Variants in U2AF2 observed in about 807,000 individuals in gnomAD.
U2AF2 encodes splicing factor U2AF 65 kDa subunit.
A neutral mutation model predicts 52.6 loss-of-function variants in U2AF2; 6 were observed. That is an observed-to-expected ratio of 0.11 (90% confidence interval 0.06 to 0.23). The LOEUF (loss-of-function observed/expected upper bound fraction) is 0.23, where lower values mean the gene tolerates loss of function less well. Among genes scored for constraint, U2AF2 ranks in the 10% least tolerant of loss-of-function variants. The pLI, the probability that U2AF2 is intolerant of heterozygous loss-of-function variation, is 1.00. For missense variants in U2AF2, 222 were observed against 677.1 expected, an observed-to-expected ratio of 0.33 and a Z score of 7.46; for synonymous variants, 284 against 258.2, an observed-to-expected ratio of 1.10 and a Z score of -0.96.
At chr19:55,655,369 C>T (rs975295284) in intron 1 of U2AF2, among the ~76,000 whole-genome samples, 2 of 152,184 alleles carry the variant, frequency 1.3e-5, no homozygotes, top group African/African-American at 2.4e-5. Context: ...GCCCGTGACG[C>T]ATGCGCACGG....
At chr19:55,659,417 C>T in intron 2 of U2AF2, 72 bp downstream of exon 2, 6 of 1,400,236 alleles carry the variant, frequency 4.3e-6, no homozygotes, top group South Asian at 1.6e-5. Flanking sequence ...CTGTGGGTGG[C>T]CTGTGTGTGT....
Position 55,659,093 on chromosome 19 carries a change from C to T in U2AF2, c.50-117C>T, listed in dbSNP as rs1983986072. 4.4e-6 allele frequency: 6 copies of T among 1,350,510 alleles called. 1 individual carries two copies. The highest frequency in any genetic ancestry group is 7.0e-5 in the Admixed American group (2 of 28,376). The allele number at this position is 1,350,510 out of a possible 1,614,324, so 83.7% of individuals were successfully genotyped here. On this transcript the variant is annotated intron_variant, in intron 1 of 11. Transcript: ENST00000308924. The stretch of plus-strand genomic sequence containing the variant: ...GTTAATTCCCTTCCTCCATTGAATC[C>T]CTTCCCTTTGGGGGTGGCCTCCCTG...
At position 55,657,566 on chromosome 19, in the gene U2AF2, C is replaced by G. The variant is rs12104135; in HGVS notation, c.50-1644C>G. On this transcript the variant is annotated intron_variant, in intron 1 of 11. Coordinates refer to ENST00000308924, the MANE Select transcript of U2AF2 (RefSeq NM_007279.3). ...AGAAAGGGCTCTTGGGGCTCACAGC[C>G]TGTCCATCTTATAAGCGAGGAGCTG... Among the ~76,000 whole-genome samples the G allele has an allele frequency of 1.1e-3, 175 of 152,310 alleles. 2 individuals carry two copies. The highest frequency in any genetic ancestry group is 3.9e-3 in the African/African-American group (162 of 41,556).
chr19:55,672,272 T>A (rs1285109588), intron 11 of U2AF2, among the ~76,000 whole-genome samples: 1 of 152,248 alleles, frequency 6.6e-6, no homozygotes, highest in Non-Finnish European at 1.5e-5. Context: ...TTGGTGTTCC[T>A]TCATCTGGCT....
At chr19:55,657,769 G>T (rs1308770814) in intron 1 of U2AF2, among the ~76,000 whole-genome samples, 1 of 152,162 alleles carries the variant, frequency 6.6e-6, no homozygotes, top group Non-Finnish European at 1.5e-5. Context: ...CGAGAGTATG[G>T]CCTCGTGCTT....
chr19:55,672,844 C>T (rs1043496609), intron 11 of U2AF2, among the ~76,000 whole-genome samples: 4 of 151,762 alleles, frequency 2.6e-5, no homozygotes, highest in African/African-American at 4.8e-5. Flanking sequence ...AGGGTTTCAC[C>T]GTGTTAGCCA....
intron 11 of U2AF2, among the ~76,000 whole-genome samples, chr19:55,670,158 T>C (rs1984802023): frequency 6.6e-6 from 1 of 151,928 alleles, no homozygotes; most frequent in Non-Finnish European, 1.5e-5. Context: ...CCGTAGCCCC[T>C]GAGCCCCATC....
intron 9 of U2AF2, 60 bp from the exon 10 acceptor site, chr19:55,669,023 C>A: frequency 6.4e-7 from 1 of 1,574,214 alleles, no homozygotes; most frequent in Non-Finnish European, 8.7e-7. Flanking sequence ...AGGTGTCGGG[C>A]TCCTGGTCCC....
intron 1 of U2AF2, chr19:55,658,941 C>T (rs1983972957): frequency 7.5e-6 from 3 of 400,146 alleles, no homozygotes; most frequent in Non-Finnish European, 8.4e-6. Flanking sequence ...CCAGCCTCCT[C>T]TGTCTTCTCT....
intron 1 of U2AF2, 109 bp from the exon 2 acceptor site, chr19:55,659,101 T>C (rs1983986833): frequency 7.3e-7 from 1 of 1,361,282 alleles, no homozygotes; most frequent in South Asian, 1.8e-5. Flanking sequence ...TCCCTTCCCT[T>C]TGGGGGTGGC....
intron 1 of U2AF2, among the ~76,000 whole-genome samples, chr19:55,657,616 C>T (rs914079500): frequency 7.2e-5 from 11 of 152,210 alleles, no homozygotes; most frequent in African/African-American, 2.7e-4. Context: ...CCTGTGTGCC[C>T]GCTGCTCTAC....
intron 6 of U2AF2, 26 bp downstream of exon 6, chr19:55,662,644 C>T: frequency 6.3e-7 from 1 of 1,598,264 alleles, no homozygotes; most frequent in Non-Finnish European, 8.6e-7. Context: ...GAGTGAGGTC[C>T]AGGAAACGTG....
intron 11 of U2AF2, among the ~76,000 whole-genome samples, chr19:55,672,576 TG>T (rs879537472): frequency 2.6e-5 from 4 of 152,120 alleles, no homozygotes; most frequent in Non-Finnish European, 5.9e-5. Flanking sequence ...CAGTGTTCCC[TG>T]GGGACACCCC....
chr19:55,664,618 T>A (rs1984425161), intron 7 of U2AF2, among the ~76,000 whole-genome samples: 1 of 152,082 alleles, frequency 6.6e-6, no homozygotes, highest in African/African-American at 2.4e-5. Context: ...AGGAACTGAG[T>A]CAGCTCTTCA....
chr19:55,665,130 C>T (rs1037104649), intron 7 of U2AF2, among the ~76,000 whole-genome samples: 2 of 152,188 alleles, frequency 1.3e-5, no homozygotes, highest in East Asian at 1.9e-4. Context: ...TGCGTTTCCC[C>T]GATCAAGCTG....
At chr19:55,669,214 G>A (rs1193772750) in intron 10 of U2AF2, 33 bp downstream of exon 10, 2 of 1,609,438 alleles carry the variant, frequency 1.2e-6, no homozygotes, top group East Asian at 2.2e-5. Flanking sequence ...GAGGGACCCT[G>A]GGGGTGGGAG....
At chr19:55,673,835 TCC>T (rs1259991326) in intron 11 of U2AF2, 97 bp from the exon 12 acceptor site, 1 of 1,505,202 alleles carries the variant, frequency 6.6e-7, no homozygotes, top group Non-Finnish European at 8.9e-7. Flanking sequence ...AGCCCCCTCC[TCC>T]CTGTCCCTTC....
chr19:55,669,408 C>A, intron 10 of U2AF2, 36 bp from the exon 11 acceptor site: 1 of 1,565,564 alleles, frequency 6.4e-7, no homozygotes, highest in Non-Finnish European at 8.7e-7. Context: ...TGGGTCTGGG[C>A]CCCCTGTGAC....
intron 1 of U2AF2, among the ~76,000 whole-genome samples, chr19:55,658,461 T>A (rs1005072334): frequency 6.6e-6 from 1 of 152,122 alleles, no homozygotes; most frequent in African/African-American, 2.4e-5. Flanking sequence ...TGCTGGAGGC[T>A]GGCAGAGATA....
Sources: gnomAD v4.1 joint callset for allele counts (sites outside exome capture counted in the v4.1 genomes callset) on GRCh38, gnomAD v4.1.1 for gene constraint, MANE v1.5 for transcripts, NCBI Gene and HGNC (gene_info 2026-07-23, HGNC 2026-07-21) for gene names.